WDR41: variants seen among roughly 807,000 people sequenced by gnomAD.
The protein encoded by WDR41 is WD repeat-containing protein 41.
A neutral mutation model predicts 69.3 loss-of-function variants in WDR41; 63 were observed. That is an observed-to-expected ratio of 0.91 (90% CI 0.74 to 1.12). WDR41 has a LOEUF of 1.12. WDR41 is among the 50% of genes most tolerant of loss of function. The pLI is 0.00. For synonymous variants in WDR41, 185 were observed against 192.1 expected, an observed-to-expected ratio of 0.96 and a Z score of 0.31; for missense variants, 543 against 534.5, an observed-to-expected ratio of 1.02 and a Z score of -0.16.
intron 1 of WDR41, among the ~76,000 whole-genome samples, chr5:77,546,435 G>C (rs1382278250): frequency 2.0e-5 from 3 of 152,064 alleles, no homozygotes; most frequent in African/African-American, 2.4e-5. Context: ...TGAAATGGGA[G>C]ATATTACAAC....
At chr5:77,553,275 C>T (rs1743331513) in intron 1 of WDR41, among the ~76,000 whole-genome samples, 1 of 152,100 alleles carries the variant, frequency 6.6e-6, no homozygotes, top group Non-Finnish European at 1.5e-5. Flanking sequence ...CTGGTGAGGC[C>T]CCCATCTCCA....
chr5:77,606,783 G>A (rs1744428391), intron 1 of WDR41, among the ~76,000 whole-genome samples: 1 of 151,570 alleles, frequency 6.6e-6, no homozygotes. Context: ...AGCCTACATG[G>A]AAGAGTGAGA....
At chr5:77,537,137 C>A (rs1299244203) in intron 1 of WDR41, among the ~76,000 whole-genome samples, 1 of 152,230 alleles carries the variant, frequency 6.6e-6, no homozygotes, top group South Asian at 2.1e-4. Flanking sequence ...CAAGGGAATA[C>A]TTACCGACCT....
intron 1 of WDR41, among the ~76,000 whole-genome samples, chr5:77,536,568 T>C (rs1742987438): frequency 6.6e-6 from 1 of 152,150 alleles, no homozygotes; most frequent in South Asian, 2.1e-4. Context: ...TGCACCATAT[T>C]AACAACATTT....
rs577246122 is a variant in WDR41, at chr5:77,567,941, GA to G, written c.42+52537del. Among the ~76,000 whole-genome samples, 715 of 141,948 alleles carry G rather than the reference GA, an allele frequency of 5.0e-3. 8 individuals carry two copies. The highest frequency in any genetic ancestry group is 0.017 in the African/African-American group (660 of 38,992). The allele number at this position is 141,948 out of a possible 152,430, so 93.1% of individuals were successfully genotyped here. On this transcript the variant is annotated intron_variant, in intron 1 of 5. Coordinates refer to the WDR41 transcript ENST00000509971. ...TGTTGAAAATCAGTGCCTAGGGAATGAAAAAAAAAAAGAGTTGGATATCCCT... is the reference window on the plus strand; with the variant it reads ...TGTTGAAAATCAGTGCCTAGGGAATGAAAAAAAAAAGAGTTGGATATCCCT...
At chr5:77,602,296 C>T (rs530010071) in intron 1 of WDR41, among the ~76,000 whole-genome samples, 1 of 152,170 alleles carries the variant, frequency 6.6e-6, no homozygotes, top group African/African-American at 2.4e-5. Context: ...TGCGCCACCA[C>T]GCCTGGCTAA....
intron 1 of WDR41, among the ~76,000 whole-genome samples, chr5:77,578,665 A>G (rs1743878397): frequency 6.6e-6 from 1 of 152,122 alleles, no homozygotes; most frequent in African/African-American, 2.4e-5. Flanking sequence ...GGAGTTCAAG[A>G]CAAGCCTGGC....
At chr5:77,500,082 G>C (rs550866345) in intron 1 of WDR41, among the ~76,000 whole-genome samples, 2 of 152,228 alleles carry the variant, frequency 1.3e-5, no homozygotes, top group Non-Finnish European at 2.9e-5. Context: ...AAAAGTCTTA[G>C]CTCACATGGA....
At chr5:77,478,032 GAAT>G in intron 2 of WDR41, among the ~76,000 whole-genome samples, 1 of 152,254 alleles carries the variant, frequency 6.6e-6, no homozygotes, top group Admixed American at 6.5e-5. Context: ...TACCATCAGA[GAAT>G]ATTACAGACA....
chr5:77,552,240 T>C (rs1743313741), intron 1 of WDR41, among the ~76,000 whole-genome samples: 1 of 151,812 alleles, frequency 6.6e-6, no homozygotes, highest in Admixed American at 6.6e-5. Flanking sequence ...AAATCAATTA[T>C]AGTAACAGTG....
chr5:77,575,063 C>A (rs1020154728), intron 1 of WDR41, among the ~76,000 whole-genome samples: 8 of 151,820 alleles, frequency 5.3e-5, no homozygotes, highest in Non-Finnish European at 8.8e-5. Flanking sequence ...TAAAAAAAAA[C>A]AAACATATCT....
chr5:77,450,582 G>A (rs1561736125), intron 7 of WDR41, among the ~76,000 whole-genome samples: 2 of 152,142 alleles, frequency 1.3e-5, no homozygotes, highest in Admixed American at 1.3e-4. Context: ...TTATGTTCCA[G>A]GAACTCTACG....
chr5:77,461,998 G>A (rs1442514667), intron 4 of WDR41, among the ~76,000 whole-genome samples: 3 of 152,204 alleles, frequency 2.0e-5, no homozygotes, highest in Non-Finnish European at 2.9e-5. Context: ...GAAGTGCAGT[G>A]GTTCGGGGCT....
intron 1 of WDR41, among the ~76,000 whole-genome samples, chr5:77,597,225 A>G (rs1744243603): frequency 6.6e-6 from 1 of 152,196 alleles, no homozygotes; most frequent in African/African-American, 2.4e-5. Flanking sequence ...CCACTCTTTG[A>G]GAACCACTGC....
rs537761521 is a variant in WDR41 at position 77,518,688 on chromosome 5, G to A, written c.43-29116C>T. Among the ~76,000 whole-genome samples, 3 of 151,948 alleles carry A rather than the reference G, an allele frequency of 2.0e-5. No homozygotes were observed. The East Asian group carries it at 5.8e-4, about 29-fold the overall frequency. On this transcript the variant is annotated intron_variant, in intron 1 of 5. Coordinates refer to the WDR41 transcript ENST00000509971. ...ATTCATTTTGAGTAAGTTCTCTTCT[G>A]GAATAGCTACGAACTTAAAATATGT...
At chr5:77,555,347 C>T (rs1191543768) in intron 1 of WDR41, among the ~76,000 whole-genome samples, 1 of 152,150 alleles carries the variant, frequency 6.6e-6, no homozygotes, top group African/African-American at 2.4e-5. Flanking sequence ...ATCACTTTGT[C>T]ACACAGGCTG....
At position 77,566,004 on chromosome 5, in the gene WDR41, T is replaced by C. The variant is rs529118924; in HGVS notation, c.42+54475A>G. Among the ~76,000 whole-genome samples, 25 of 152,244 alleles carry C rather than the reference T, an allele frequency of 1.6e-4. No individual in the cohort carries two copies. In the South Asian group the frequency reaches 5.2e-3, roughly 32 times the overall value. ...TCATTTAATTCTCATAACAACCCTA[T>C]GAGGATTTTAAAATAAAACTCCTTG... On this transcript the variant is annotated intron_variant, in intron 1 of 5. Transcript: ENST00000509971.
At chr5:77,454,283 C>G (rs970348806) in intron 5 of WDR41, among the ~76,000 whole-genome samples, 1 of 152,168 alleles carries the variant, frequency 6.6e-6, no homozygotes, top group East Asian at 1.9e-4. Context: ...TTGCCAAGCA[C>G]GTAGGTGAGC....
intron 1 of WDR41, among the ~76,000 whole-genome samples, chr5:77,501,779 T>C (rs1323584167): frequency 6.6e-6 from 1 of 152,078 alleles, no homozygotes; most frequent in African/African-American, 2.4e-5. Flanking sequence ...CCAACAGACC[T>C]GCAGCTGAGG....
Sources: gnomAD v4.1 joint callset for allele counts (sites outside exome capture counted in the v4.1 genomes callset) on GRCh38, gnomAD v4.1.1 for gene constraint, MANE v1.5 for transcripts, NCBI Gene and HGNC (gene_info 2026-07-23, HGNC 2026-07-21) for gene names.